PCDHGA3: variants seen among roughly 807,000 people sequenced by gnomAD.
PCDHGA3 encodes protocadherin gamma-A3.
PCDHGA3 carries 40 observed loss-of-function variants against 58.5 expected under a neutral mutation model. That is an observed-to-expected ratio of 0.68 (90% CI 0.53 to 0.89). The LOEUF (loss-of-function observed/expected upper bound fraction) is 0.89, where lower values mean the gene tolerates loss of function less well. Among genes scored for constraint, PCDHGA3 ranks in the 40% least tolerant of loss-of-function variants. The probability of loss-of-function intolerance (pLI) is 0.00; values close to 1 mark genes in which losing one functional copy is unlikely to be tolerated. For missense variants in PCDHGA3, 1,223 were observed against 1,195.9 expected (o/e 1.02, Z -0.33); for synonymous variants, 530 against 525.7 (o/e 1.01, Z -0.11).
At chr5:141,417,532 T>C (rs2096129143) in intron 1 of PCDHGA3, 1 of 284,726 alleles carries the variant, frequency 3.5e-6, no homozygotes, top group African/African-American at 2.2e-5. Flanking sequence ...ACTCGTAGTT[T>C]AAAAAAAATT....
chr5:141,476,613 G>T lies in PCDHGA3; in HGVS notation c.2425-18194G>T. On this transcript the variant is annotated intron_variant, in intron 1 of 3. Coordinates refer to ENST00000253812, the MANE Select transcript of PCDHGA3 (RefSeq NM_018916.4). The surrounding 1 kb of genome is among the most constrained non-coding windows in gnomAD (Gnocchi z 7.6). ...AGCGCGCACGATCCCGATGTGGGAA[G>T]CAACTCTTTACAAACCTATGAGCTG... 2 of 1,614,266 alleles carry T rather than the reference G, an allele frequency of 1.2e-6. No homozygotes were observed. The highest frequency in any genetic ancestry group is 2.7e-5 in the African/African-American group (2 of 75,078).
intron 1 of PCDHGA3, chr5:141,412,660 T>C (rs1337663720): frequency 6.6e-6 from 1 of 152,262 alleles, no homozygotes; most frequent in African/African-American, 2.4e-5. Flanking sequence ...ACCTAGACAC[T>C]AATATGACCT....
intron 1 of PCDHGA3, chr5:141,410,447 C>T (rs760711107): frequency 3.1e-6 from 5 of 1,613,984 alleles, no homozygotes; most frequent in African/African-American, 2.7e-5. Context: ...GGGGACTTTG[C>T]CTTATTCTTA....
intron 1 of PCDHGA3, among the ~76,000 whole-genome samples, chr5:141,444,199 T>C (rs2098425653): frequency 7.4e-6 from 1 of 134,516 alleles, no homozygotes; most frequent in African/African-American, 2.9e-5. Context: ...GAGATGGAGT[T>C]TCACTCTTGT....
chr5:141,425,490 G>T (rs2096878933), intron 1 of PCDHGA3, among the ~76,000 whole-genome samples: 1 of 152,122 alleles, frequency 6.6e-6, no homozygotes, highest in Non-Finnish European at 1.5e-5. Context: ...AACCTACTAG[G>T]CTATACCTTT....
intron 1 of PCDHGA3, chr5:141,399,826 G>C (rs2093897872): frequency 1.2e-6 from 2 of 1,613,066 alleles, no homozygotes; most frequent in Non-Finnish European, 1.7e-6. Context: ...GGGTCCCGAC[G>C]GCTCTGCGCT....
At chr5:141,347,646 G>A (rs1757995163) in intron 1 of PCDHGA3, among the ~76,000 whole-genome samples, 1 of 152,010 alleles carries the variant, frequency 6.6e-6, no homozygotes. Context: ...AATTAGCTGG[G>A]CATGGTGGTG....
At position 141,431,374 on chromosome 5, in the gene PCDHGA3, G is replaced by T. The variant is rs1561851775; in HGVS notation, c.2425-63433G>T. On this transcript the variant is annotated intron_variant, in intron 1 of 3. Coordinates refer to ENST00000253812, the MANE Select transcript of PCDHGA3 (RefSeq NM_018916.4). The surrounding 1 kb of genome is among the most constrained non-coding windows in gnomAD (Gnocchi z 4.8). ...AACGCGCCCTGGACCGCGAAGAAAA[G>T]GCTGCTCACCACCTGGTCCTTACGG... 1.9e-6 allele frequency: 3 copies of T among 1,613,862 alleles called. No individual in the cohort carries two copies. Among genetic ancestry groups the T allele is most frequent in the Non-Finnish European group, 2.5e-6 (3 of 1,180,044 alleles).
At position 141,490,356 on chromosome 5, in the gene PCDHGA3, T is replaced by C. The variant is rs771968534; in HGVS notation, c.2425-4451T>C. ...CAGTGGGCACAGTAGTGGGGTTGTT[T>C]AATGTGCGAGACCGGGACTCAGGTA... On this transcript the variant is annotated intron_variant, in intron 1 of 3. Coordinates refer to ENST00000253812, the MANE Select transcript of PCDHGA3 (RefSeq NM_018916.4). The surrounding 1 kb of genome is among the most constrained non-coding windows in gnomAD (Gnocchi z 5.4). 1.4e-5 allele frequency: 23 copies of C among 1,614,084 alleles called. No individual in the cohort carries two copies. Among genetic ancestry groups the C allele is most frequent in the Non-Finnish European group, 1.9e-5 (22 of 1,180,038 alleles).
At chr5:141,426,521 C>T (rs184198267) in intron 1 of PCDHGA3, 14 of 341,908 alleles carry the variant, frequency 4.1e-5, no homozygotes, top group Admixed American at 7.6e-5. Flanking sequence ...ACCGTGAACA[C>T]GGAGAATGGG....
intron 1 of PCDHGA3, chr5:141,365,323 T>C (rs1307889489): frequency 6.2e-7 from 1 of 1,613,858 alleles, no homozygotes; most frequent in African/African-American, 1.3e-5. Flanking sequence ...TTGCCAGCGC[T>C]AAGGTGGTGG....
chr5:141,407,601 A>G (rs886898088), intron 1 of PCDHGA3, among the ~76,000 whole-genome samples: 3 of 152,168 alleles, frequency 2.0e-5, no homozygotes, highest in African/African-American at 7.2e-5. Flanking sequence ...CATCTTAAAA[A>G]GAAGCATTGG....
At chr5:141,421,455 C>T (rs762490406) in intron 1 of PCDHGA3, 7 of 1,614,108 alleles carry the variant, frequency 4.3e-6, no homozygotes, top group Non-Finnish European at 4.2e-6. Flanking sequence ...CACAGCTTTT[C>T]GCTGTGAATC....
In PCDHGA3 at chr5:141,418,449, A is replaced by G. The variant is rs781224972; in HGVS notation, c.2424+71992A>G. ...GGCAAATATCCAGAATTAGTATTGC[A>G]GAAGACTCTGGACCGAGAAACGCAG... On this transcript the variant is annotated intron_variant, in intron 1 of 3. Coordinates refer to ENST00000253812, the MANE Select transcript of PCDHGA3 (RefSeq NM_018916.4). 8.1e-6 allele frequency: 13 copies of G among 1,613,922 alleles called. No homozygotes were observed. The Admixed American group carries it at 1.2e-4, about 14-fold the overall frequency.
chr5:141,474,242 G>A (rs575397598), intron 1 of PCDHGA3, among the ~76,000 whole-genome samples: 1 of 152,192 alleles, frequency 6.6e-6, no homozygotes, highest in African/African-American at 2.4e-5. Context: ...GCTGAATAGG[G>A]GAAAAAAAGA....
chr5:141,494,656 C>CT, intron 1 of PCDHGA3, 151 bp from the exon 2 acceptor site: 1 of 1,478,476 alleles, frequency 6.8e-7, no homozygotes, highest in Non-Finnish European at 9.1e-7. Flanking sequence ...TGTATTTTGT[C>CT]TTTGGAGATG....
At position 141,432,552 on chromosome 5, in the gene PCDHGA3, C is replaced by G. The variant is rs1181931321; in HGVS notation, c.2425-62255C>G. ...AAGGTGGTGGCGGTGGACAGAGACT[C>G]CGGCCAGAACGCCTGGCTGTCCTAC... On this transcript the variant is annotated intron_variant, in intron 1 of 3. Coordinates refer to ENST00000253812, the MANE Select transcript of PCDHGA3 (RefSeq NM_018916.4). The surrounding 1 kb of genome is among the most constrained non-coding windows in gnomAD (Gnocchi z 6.0). The G allele has an allele frequency of 6.2e-7, 1 of 1,613,970 alleles. No homozygotes were observed. The highest frequency in any genetic ancestry group is 1.1e-5 in the South Asian group (1 of 91,064).
intron 1 of PCDHGA3, chr5:141,413,345 G>A (rs2095628318): frequency 8.7e-6 from 14 of 1,613,996 alleles, no homozygotes; most frequent in Non-Finnish European, 1.0e-5. Flanking sequence ...AAGGACTTGG[G>A]TCTGGCGCCC....
Position 141,487,071 on chromosome 5 carries a change from C to A in PCDHGA3, c.2425-7736C>A. On this transcript the variant is annotated intron_variant, in intron 1 of 3. Coordinates refer to ENST00000253812, the MANE Select transcript of PCDHGA3 (RefSeq NM_018916.4). The surrounding 1 kb of genome is among the most constrained non-coding windows in gnomAD (Gnocchi z 5.0). ...GCTGGGGAGGTGCGGACGGCTGTTC[C>A]TATCCCAGCTGACCTCCCACCACAG... is the stretch of plus-strand genomic sequence containing the variant. The A allele has an allele frequency of 6.2e-7, 1 of 1,614,148 alleles. No individual in the cohort carries two copies. Among genetic ancestry groups the A allele is most frequent in the Non-Finnish European group, 8.5e-7 (1 of 1,180,002 alleles).
Sources: gnomAD v4.1 joint callset for allele counts (sites outside exome capture counted in the v4.1 genomes callset) on GRCh38, gnomAD v4.1.1 for gene constraint, Gnocchi (gnomAD v3.1) non-coding constraint, MANE v1.5 for transcripts, NCBI Gene and HGNC (gene_info 2026-07-23, HGNC 2026-07-21) for gene names.